NHEJ1: variants seen among roughly 807,000 people sequenced by gnomAD.
NHEJ1 encodes non-homologous end joining factor 1, also known as non-homologous end-joining factor 1.
A neutral mutation model predicts 39.4 loss-of-function variants in NHEJ1; 22 were observed. The observed-to-expected ratio is 0.56, with a 90% confidence interval of 0.40 to 0.80. The LOEUF is 0.80. NHEJ1 is among the 30% of genes least tolerant of loss of function. The probability of loss-of-function intolerance (pLI) is 0.00; values close to 1 mark genes in which losing one functional copy is unlikely to be tolerated. For synonymous variants in NHEJ1, 154 were observed against 135.6 expected (o/e 1.14, Z -0.94); for missense variants, 329 against 357.1 (o/e 0.92, Z 0.63).
At chr2:219,107,153 T>C (rs1949321896) in intron 5 of NHEJ1, among the ~76,000 whole-genome samples, 1 of 152,158 alleles carries the variant, frequency 6.6e-6, no homozygotes, top group Admixed American at 6.5e-5. Context: ...AAGAAACATA[T>C]GATATATGCA....
At chr2:219,122,881 A>G (rs1195621482) in intron 5 of NHEJ1, among the ~76,000 whole-genome samples, 1 of 152,222 alleles carries the variant, frequency 6.6e-6, no homozygotes, top group Non-Finnish European at 1.5e-5. Flanking sequence ...AAAAGTAGAA[A>G]GCGCATATGC....
In NHEJ1 at chr2:219,074,787, G is replaced by A. The variant is rs1385164560; in HGVS notation, c.*1594C>T. ...AAGAGCAAAGTAAGCCAGCTGATAG[G>A]CTGTTTTTATATAGTTCCCAATTCA... On this transcript the variant is annotated 3_prime_UTR_variant, in exon 8 of 8. Transcript: ENST00000356853. 6.6e-6 allele frequency among the ~76,000 whole-genome samples: 1 copy of A among 151,874 alleles called. No homozygotes were observed. The highest frequency in any genetic ancestry group is 2.4e-5 in the African/African-American group (1 of 41,308).
chr2:219,156,511 T>C (rs1949856597), intron 3 of NHEJ1, among the ~76,000 whole-genome samples: 1 of 152,218 alleles, frequency 6.6e-6, no homozygotes, highest in Admixed American at 6.5e-5. Flanking sequence ...TAACGTCCAC[T>C]CTTAATTTCT....
intron 5 of NHEJ1, among the ~76,000 whole-genome samples, chr2:219,138,448 A>G (rs1949658439): frequency 6.6e-6 from 1 of 152,234 alleles, no homozygotes; most frequent in Non-Finnish European, 1.5e-5. Context: ...AAGGCTACCA[A>G]TAGGTGATTA....
At chr2:219,156,462 T>C (rs1949856215) in intron 3 of NHEJ1, among the ~76,000 whole-genome samples, 1 of 152,214 alleles carries the variant, frequency 6.6e-6, no homozygotes, top group Non-Finnish European at 1.5e-5. Context: ...TAAGTGCTAC[T>C]GACTAAAACT....
At position 219,072,727 on chromosome 2, in the gene NHEJ1, T is replaced by C. The variant is rs1259363104; in HGVS notation, c.*3654A>G. ...AACAGCATAAGCAGAACAGACAAAG[T>C]GAGCTTACCATATCATGAGGAAGGG... On this transcript the variant is annotated 3_prime_UTR_variant, in exon 8 of 8. Coordinates refer to ENST00000356853, the MANE Select transcript of NHEJ1 (RefSeq NM_024782.3). Among the ~76,000 whole-genome samples the C allele has an allele frequency of 6.7e-6, 1 of 148,840 alleles. No homozygotes were observed. Among genetic ancestry groups the C allele is most frequent in the African/African-American group, 2.6e-5 (1 of 38,310 alleles).
At chr2:219,087,193 T>G (rs1559187653) in intron 5 of NHEJ1, among the ~76,000 whole-genome samples, 1 of 152,130 alleles carries the variant, frequency 6.6e-6, no homozygotes, top group African/African-American at 2.4e-5. Flanking sequence ...TTAGCACCTC[T>G]CTCAAATTCA....
intron 5 of NHEJ1, chr2:219,095,428 T>C: frequency 2.2e-6 from 1 of 455,580 alleles, no homozygotes; most frequent in South Asian, 1.6e-5. Context: ...GTTCTTAGCA[T>C]GTGTTTCTGG....
chr2:219,119,447 C>T (rs1949449524), intron 5 of NHEJ1, among the ~76,000 whole-genome samples: 1 of 152,074 alleles, frequency 6.6e-6, no homozygotes, highest in South Asian at 2.1e-4. Context: ...GGTAGAGATT[C>T]CAGTGATGGG....
At chr2:219,103,468 G>T (rs890831245) in intron 5 of NHEJ1, among the ~76,000 whole-genome samples, 1 of 151,898 alleles carries the variant, frequency 6.6e-6, no homozygotes, top group Non-Finnish European at 1.5e-5. Context: ...TAGAGATGAG[G>T]TTTCACCATG....
At chr2:219,102,232 T>A (rs1354227645) in intron 5 of NHEJ1, among the ~76,000 whole-genome samples, 2 of 152,172 alleles carry the variant, frequency 1.3e-5, no homozygotes, top group African/African-American at 4.8e-5. Flanking sequence ...AAAAACGCCC[T>A]CGAAAAATGT....
At chr2:219,114,091 G>A (rs563461675) in intron 5 of NHEJ1, among the ~76,000 whole-genome samples, 23 of 152,172 alleles carry the variant, frequency 1.5e-4, no homozygotes, top group Non-Finnish European at 2.6e-4. Context: ...CTTTGAGCAT[G>A]TTAAGGAAAT....
chr2:219,133,920 C>T (rs1949601004), intron 5 of NHEJ1, among the ~76,000 whole-genome samples: 2 of 152,256 alleles, frequency 1.3e-5, no homozygotes, highest in African/African-American at 4.8e-5. Context: ...CCTTTCCCTT[C>T]ATCGGCATAA....
chr2:219,146,834 A>G (rs1255826183), intron 4 of NHEJ1, 96 bp from the exon 5 acceptor site: 2 of 964,218 alleles, frequency 2.1e-6, no homozygotes, highest in Non-Finnish European at 3.3e-6. Context: ...CTTAGGAAAG[A>G]GGAGGAAGGT....
chr2:219,120,428 A>G (rs919731718), intron 5 of NHEJ1, among the ~76,000 whole-genome samples: 1 of 152,218 alleles, frequency 6.6e-6, no homozygotes, highest in African/African-American at 2.4e-5. Context: ...GCTTTGGAAA[A>G]AGGCAAAATG....
intron 5 of NHEJ1, among the ~76,000 whole-genome samples, chr2:219,085,893 A>G (rs886898298): frequency 6.6e-6 from 1 of 152,130 alleles, no homozygotes; most frequent in African/African-American, 2.4e-5. Context: ...CATGCAATGG[A>G]GTAAGATAGG....
intron 5 of NHEJ1, among the ~76,000 whole-genome samples, chr2:219,118,242 C>A (rs1324297079): frequency 6.6e-6 from 1 of 152,218 alleles, no homozygotes; most frequent in Non-Finnish European, 1.5e-5. Flanking sequence ...TCTCTTCAGA[C>A]TCCTCAAGAG....
intron 4 of NHEJ1, 131 bp downstream of exon 4, chr2:219,147,526 G>T: frequency 9.2e-7 from 1 of 1,083,316 alleles, no homozygotes; most frequent in African/African-American, 1.6e-5. Context: ...CAAGACTCCA[G>T]TTTCTGGTTA....
At chr2:219,078,020 A>G in intron 6 of NHEJ1, 69 bp downstream of exon 6, 1 of 1,031,568 alleles carries the variant, frequency 9.7e-7, no homozygotes, top group Non-Finnish European at 1.5e-6. Context: ...GAAAACTATC[A>G]TATTGGACAG....
Sources: gnomAD v4.1 joint callset for allele counts (sites outside exome capture counted in the v4.1 genomes callset) on GRCh38, gnomAD v4.1.1 for gene constraint, MANE v1.5 for transcripts, NCBI Gene and HGNC (gene_info 2026-07-23, HGNC 2026-07-21) for gene names.